Variants in ESCO2 observed in about 807,000 individuals in gnomAD.
ESCO2 encodes the protein establishment of sister chromatid cohesion N-acetyltransferase 2.
A neutral mutation model predicts 61.7 loss-of-function variants in ESCO2; 51 were observed. The observed-to-expected ratio is 0.83, with a 90% CI of 0.66 to 1.04. The LOEUF is 1.04. Among genes scored for constraint, ESCO2 ranks in the 50% least tolerant of loss-of-function variants. The pLI is 0.00. For synonymous variants in ESCO2, 230 were observed against 238.2 expected, an observed-to-expected ratio of 0.97 and a Z score of 0.32; for missense variants, 692 against 686.2, an observed-to-expected ratio of 1.01 and a Z score of -0.09.
chr8:27,805,688 G>A (rs1413629302), downstream of ESCO2, among the ~76,000 whole-genome samples: 3 of 152,082 alleles, frequency 2.0e-5, no homozygotes, highest in Admixed American at 6.6e-5. Flanking sequence ...ACGGCTCACT[G>A]CAGCCTCGAC....
rs1554553894 is a variant in ESCO2, at chr8:27,776,382, A to G, written c.74A>G (p.Asn25Ser). The part of the protein sequence containing the change: ...KCDSLLHFTE[N>S]LFPSPNKKHC... Reference sequence around the variant, plus strand: ...TATAGCCTTTTACACTTCACTGAAAATCTGTTTCCATCACCTAATAAAAAG... The same window carrying G: ...TATAGCCTTTTACACTTCACTGAAAGTCTGTTTCCATCACCTAATAAAAAG... The change falls in exon 3 of 11, where the codon AAT becomes AGT. Residue 25 changes from asparagine to serine, a missense_variant. Transcript: ENST00000305188. The G allele has an allele frequency of 6.2e-7, 1 of 1,606,712 alleles. No homozygotes were observed. The highest frequency in any genetic ancestry group is 2.2e-5 in the East Asian group (1 of 44,826).
chr8:27,788,136 G>A, intron 6 of ESCO2, 134 bp downstream of exon 6: 1 of 675,390 alleles, frequency 1.5e-6, no homozygotes, highest in South Asian at 1.6e-5. Flanking sequence ...AATGGGAGTT[G>A]TAGGTGGTGA....
intron 8 of ESCO2, 42 bp downstream of exon 8, chr8:27,792,094 C>G (rs758387730): frequency 1.3e-5 from 20 of 1,598,104 alleles, no homozygotes; most frequent in African/African-American, 2.7e-5. Context: ...TTCCCCACCC[C>G]CAAGAAATCA....
intron 10 of ESCO2, among the ~76,000 whole-genome samples, 177 bp downstream of exon 10, chr8:27,799,893 G>C (rs1189836869): frequency 6.7e-6 from 1 of 149,334 alleles, no homozygotes; most frequent in Non-Finnish European, 1.5e-5. Flanking sequence ...CTCAGTCTAG[G>C]GTGCAACATT....
downstream of ESCO2, among the ~76,000 whole-genome samples, chr8:27,811,616 A>C (rs2128960973): frequency 6.6e-6 from 1 of 152,328 alleles, no homozygotes; most frequent in East Asian, 1.9e-4. Flanking sequence ...TTTAAAGCCC[A>C]AGAAAGAAAT....
At chr8:27,809,474 C>T (rs1324407982), downstream of ESCO2, 1 of 152,028 alleles carries the variant, frequency 6.6e-6, no homozygotes, top group African/African-American at 2.4e-5. Flanking sequence ...GGAAAATTCC[C>T]AGGGGACTGT....
intron 3 of ESCO2, chr8:27,777,576 G>A (rs1008011947): frequency 1.3e-4 from 21 of 161,408 alleles, no homozygotes; most frequent in African/African-American, 4.6e-4. Flanking sequence ...CTGGGATTAT[G>A]GGTGTGAACC....
At chr8:27,803,205 A>G in intron 10 of ESCO2, 101 bp from the exon 11 acceptor site, 1 of 1,046,436 alleles carries the variant, frequency 9.6e-7, no homozygotes, top group East Asian at 2.4e-5. Context: ...CTTACTAAAA[A>G]TAAGGTTGAT....
downstream of ESCO2, chr8:27,810,286 A>C: frequency 6.4e-7 from 1 of 1,555,014 alleles, no homozygotes; most frequent in Non-Finnish European, 8.8e-7. Context: ...CGCAAGCCAC[A>C]CTTCAGCTGA....
intron 6 of ESCO2, among the ~76,000 whole-genome samples, chr8:27,788,271 G>A (rs1242812289): frequency 6.6e-6 from 1 of 152,004 alleles, no homozygotes; most frequent in Admixed American, 6.6e-5. Context: ...GAAAAATATT[G>A]TATAATTAAT....
chr8:27,812,123 C>T (rs1805698878), downstream of ESCO2: 1 of 152,096 alleles, frequency 6.6e-6, no homozygotes, highest in Admixed American at 6.6e-5. Flanking sequence ...ATAAAACTGG[C>T]AAGAGCAGGC....
At chr8:27,790,964 T>A (rs950938600) in intron 7 of ESCO2, among the ~76,000 whole-genome samples, 7 of 152,216 alleles carry the variant, frequency 4.6e-5, no homozygotes, top group Non-Finnish European at 8.8e-5. Flanking sequence ...TCCTTCTCTG[T>A]AAAAAATGTC....
intron 10 of ESCO2, among the ~76,000 whole-genome samples, chr8:27,801,969 A>ATTTTTTTTTTTTTTTTTTTT (rs34539100): frequency 3.6e-5 from 3 of 83,794 alleles, no homozygotes; most frequent in Non-Finnish European, 6.4e-5. Context: ...CCTTCATGGC[A>ATTTTTTTTTTTTTTTTTTTT]TTTTTTTTTT....
At chr8:27,783,941 T>C (rs1400691437) in intron 4 of ESCO2, 59 bp from the exon 5 acceptor site, 10 of 1,414,326 alleles carry the variant, frequency 7.1e-6, no homozygotes, top group African/African-American at 5.6e-5. Flanking sequence ...TGAAATCTTA[T>C]GAATTAAAGC....
intron 6 of ESCO2, 39 bp downstream of exon 6, chr8:27,788,041 T>C (rs779173300): frequency 2.0e-5 from 30 of 1,489,388 alleles, no homozygotes; most frequent in Middle Eastern, 1.7e-4. Flanking sequence ...TATCTAGCCC[T>C]TTGCAGAAAA....
intron 5 of ESCO2, among the ~76,000 whole-genome samples, chr8:27,785,388 T>C (rs72609973): frequency 0.15 from 23,464 of 152,108 alleles, 2,281 homozygotes; most frequent in East Asian, 0.37. Context: ...CTGATAAAAG[T>C]GTATACTAAT....
chr8:27,779,900 C>T (rs570406724), intron 3 of ESCO2: 2 of 356,834 alleles, frequency 5.6e-6, no homozygotes, highest in South Asian at 2.7e-5. Flanking sequence ...CCCTTGACCT[C>T]GCAATCTACC....
At chr8:27,793,479 G>GTTT (rs67670087) in intron 9 of ESCO2, among the ~76,000 whole-genome samples, 31 of 125,508 alleles carry the variant, frequency 2.5e-4, no homozygotes, top group Non-Finnish European at 2.7e-4. Context: ...CTTTTTCTTT[G>GTTT]TTTTTTTTTT....
At chr8:27,781,561 CTTTT>C (rs67899310) in intron 4 of ESCO2, among the ~76,000 whole-genome samples, 2 of 136,544 alleles carry the variant, frequency 1.5e-5, no homozygotes, top group Non-Finnish European at 1.6e-5. Flanking sequence ...TTGGTATAGA[CTTTT>C]TTTTTTTTTT....
Sources: gnomAD v4.1 joint callset for allele counts (sites outside exome capture counted in the v4.1 genomes callset) on GRCh38, gnomAD v4.1.1 for gene constraint, MANE v1.5 for transcripts, NCBI Gene and HGNC (gene_info 2026-07-23, HGNC 2026-07-21) for gene names.